Variants in G6PD observed in about 807,000 individuals in gnomAD.
The protein encoded by G6PD is glucose-6-phosphate dehydrogenase.
G6PD carries 2 observed loss-of-function variants against 38.2 expected under a neutral mutation model. That is an observed-to-expected ratio of 0.05 (90% confidence interval 0.02 to 0.16). The LOEUF is 0.16. Among genes scored for constraint, G6PD ranks in the 10% least tolerant of loss-of-function variants. The probability of loss-of-function intolerance (pLI) is 1.00; values close to 1 mark genes in which losing one functional copy is unlikely to be tolerated. For missense variants in G6PD, 310 were observed against 471.6 expected (o/e 0.66, Z 3.17); for synonymous variants, 188 against 196.0 (o/e 0.96, Z 0.34).
chrX:154,531,924 C>T lies in G6PD; in HGVS notation c.*76G>A, dbSNP rs907435124. Reference sequence around the variant, plus strand: ...AATGTGCAGCTGAGGTCAATGGTCCCGGAGTCCTCCCGACTCGGGGTCGGG... The same window carrying T: ...AATGTGCAGCTGAGGTCAATGGTCCTGGAGTCCTCCCGACTCGGGGTCGGG... On this transcript the variant is annotated 3_prime_UTR_variant, in exon 13 of 13. Transcript: ENST00000393562. 229 of 1,082,721 alleles carry T rather than the reference C, an allele frequency of 2.1e-4. No individual in the cohort carries two copies. Among genetic ancestry groups the T allele is most frequent in the East Asian group, 6.1e-4 (15 of 24,733 alleles). The allele number at this position is 1,082,721 out of a possible 1,213,427, so 89.2% of individuals were successfully genotyped here. A position where few individuals can be genotyped will look rare whatever the true frequency, so the allele number is the denominator to read the frequency against.
chrX:154,541,021 C>T (rs1052907492), intron 2 of G6PD, among the ~76,000 whole-genome samples: 1 of 111,714 alleles, frequency 9.0e-6, no homozygotes, highest in Non-Finnish European at 1.9e-5. Context: ...GGGAGGGGAA[C>T]GTTGCCCATG....
upstream of G6PD, chrX:154,547,088 A>C (rs1468424460): frequency 2.6e-5 from 4 of 155,309 alleles, no homozygotes; most frequent in South Asian, 3.0e-4. Flanking sequence ...TGCATCCCCA[A>C]TTCCGGCGGG....
At position 154,532,473 on chromosome X, in the gene G6PD, G is replaced by A. The variant is rs781869347; in HGVS notation, c.1288-11C>T. The A allele has an allele frequency of 2.5e-5, 30 of 1,207,892 alleles. No individual in the cohort carries two copies. In the East Asian group the frequency reaches 2.7e-4, roughly 11 times the overall value. On this transcript the variant is annotated splice_polypyrimidine_tract_variant and intron_variant, in intron 10 of 12. Coordinates refer to ENST00000393562, the MANE Select transcript of G6PD (RefSeq NM_001360016.2). ...AGGGAGCTTCACGTTCTGTGAGGGAGAGAGTGTCTTGCTGATGCCACTGCC... is the reference window on the plus strand; with the variant it reads ...AGGGAGCTTCACGTTCTGTGAGGGAAAGAGTGTCTTGCTGATGCCACTGCC...
Position 154,543,369 on chromosome X carries a change from G to A in G6PD, c.120+2667C>T, listed in dbSNP as rs2515910. On this transcript the variant is annotated intron_variant, in intron 2 of 12. Transcript: ENST00000393562. ...GAAATGACAAAATCAGCTTGGAAAA[G>A]CCTAAGGACCCTGGGCCCTCGTTTC... is the stretch of plus-strand genomic sequence containing the variant. Among the ~76,000 whole-genome samples the A allele has an allele frequency of 9.6e-4, 108 of 112,508 alleles. 2 individuals carry two copies. The South Asian group carries it at 0.019, about 20-fold the overall frequency.
intron 5 of G6PD, among the ~76,000 whole-genome samples, 195 bp from the exon 6 acceptor site, chrX:154,534,691 G>A (rs1175950667): frequency 9.0e-6 from 1 of 110,981 alleles, no homozygotes; most frequent in African/African-American, 3.3e-5. Flanking sequence ...CACCCTGGGT[G>A]CCAGGGTGGC....
intron 2 of G6PD, chrX:154,542,376 A>G (rs782253817): frequency 1.7e-6 from 2 of 1,207,304 alleles, no homozygotes; most frequent in South Asian, 3.6e-5. Flanking sequence ...AGCATCATCG[A>G]GGTCCCATCA....
chrX:154,535,455 C>T, intron 4 of G6PD, 70 bp from the exon 5 acceptor site: 2 of 1,005,588 alleles, frequency 2.0e-6, no homozygotes, highest in African/African-American at 3.8e-5. Flanking sequence ...GTGTGTTCTG[C>T]CCCAGGGGAG....
At chrX:154,532,898 G>A (rs782278448) in intron 9 of G6PD, 44 bp downstream of exon 9, 2 of 1,206,492 alleles carry the variant, frequency 1.7e-6, no homozygotes, top group African/African-American at 3.5e-5. Context: ...CGCACACAGG[G>A]CATGCCCAGT....
In G6PD at chrX:154,535,233, C is replaced by G; in HGVS notation, c.420G>C (p.Leu140=). The G allele has an allele frequency of 8.3e-7, 1 of 1,211,951 alleles. No individual in the cohort carries two copies. The highest frequency in any genetic ancestry group is 1.1e-6 in the Non-Finnish European group (1 of 895,546). Reference sequence around the variant, plus strand: ...CCTCGTAGACGGTCGGGGGCAAGGCCAGGTAGAAGAGGCGGTTGGCCTGTG... The same window carrying G: ...CCTCGTAGACGGTCGGGGGCAAGGCGAGGTAGAAGAGGCGGTTGGCCTGTG... ...LGSQANRLFY[L]ALPPTVYEAV... Residue 140 remains leucine (L), a synonymous_variant, in exon 5 of 13, where the codon CTG becomes CTC. Coordinates refer to ENST00000393562, the MANE Select transcript of G6PD (RefSeq NM_001360016.2).
rs2070707835 is a variant in G6PD, at chrX:154,546,178, G to A, written c.-8-15C>T. The stretch of plus-strand genomic sequence containing the variant: ...CATGACGCTGTCTGGTGGAAGAAAG[G>A]CTCGTTAACAAGGCAGAAGAACAGG... On this transcript the variant is annotated splice_polypyrimidine_tract_variant and intron_variant, in intron 1 of 12. Transcript: ENST00000393562. The A allele has an allele frequency of 1.7e-6, 2 of 1,209,447 alleles. No homozygotes were observed. The highest frequency in any genetic ancestry group is 3.0e-5 in the East Asian group (1 of 33,797).
At chrX:154,532,505 C>T in intron 10 of G6PD, 43 bp from the exon 11 acceptor site, 1 of 1,204,366 alleles carries the variant, frequency 8.3e-7, no homozygotes, top group Non-Finnish European at 1.1e-6. Context: ...TGCCTGCCAC[C>T]ATGTGGAGTC....
intron 8 of G6PD, 116 bp from the exon 9 acceptor site, chrX:154,533,244 G>A (rs2070363167): frequency 1.2e-6 from 1 of 862,213 alleles, no homozygotes. Flanking sequence ...GCTTGGCTCT[G>A]CTCACCCTGC....
At chrX:154,544,681 G>C (rs781993410) in intron 2 of G6PD, among the ~76,000 whole-genome samples, 1 of 112,152 alleles carries the variant, frequency 8.9e-6, no homozygotes, top group South Asian at 3.6e-4. Flanking sequence ...TACCTCTCCT[G>C]GGTCTCAGGC....
chrX:154,535,691 C>G, intron 4 of G6PD: 1 of 453,073 alleles, frequency 2.2e-6, no homozygotes. Context: ...GCTCTCTCTC[C>G]AAAATCATGA....
At chrX:154,546,642 G>A in intron 1 of G6PD, 147 bp downstream of exon 1, 1 of 502,785 alleles carries the variant, frequency 2.0e-6, no homozygotes, top group Admixed American at 4.1e-5. Flanking sequence ...CTCAAGAGAG[G>A]AGGTGCGGGG....
rs782224094 is a variant in G6PD at position 154,531,824 on chromosome X, G to A, written c.*176C>T. The A allele has an allele frequency of 2.5e-4, 200 of 809,399 alleles. 3 individuals carry two copies. The South Asian group carries it at 4.9e-3, about 20-fold the overall frequency. 66.7% of individuals were successfully genotyped at this position (809,399 alleles called of 1,213,427 possible). ...CCAGGATGGTCTCGAGTGCTTGGCA[G>A]CTGAGGAATGTAGCTGGGCTCGGGT... On this transcript the variant is annotated 3_prime_UTR_variant, in exon 13 of 13. Coordinates refer to ENST00000393562, the MANE Select transcript of G6PD (RefSeq NM_001360016.2).
chrX:154,542,463 C>T (rs930601658), intron 2 of G6PD: 13 of 1,168,598 alleles, frequency 1.1e-5, no homozygotes, highest in East Asian at 6.3e-5. Context: ...GTAAGTACCT[C>T]GGCTCCCTTT....
At chrX:154,545,791 C>T (rs1226751068) in intron 2 of G6PD, 10 of 340,680 alleles carry the variant, frequency 2.9e-5, no homozygotes, top group African/African-American at 8.5e-5. Flanking sequence ...GCCAAGATGG[C>T]GCCACTGCAC....
intron 2 of G6PD, among the ~76,000 whole-genome samples, chrX:154,545,409 A>G (rs1437132883): frequency 8.9e-6 from 1 of 112,129 alleles, no homozygotes; most frequent in Non-Finnish European, 1.9e-5. Context: ...TTGTTAAGGC[A>G]TGAACAGGTC....
Sources: gnomAD v4.1 joint callset for allele counts (sites outside exome capture counted in the v4.1 genomes callset) on GRCh38, gnomAD v4.1.1 for gene constraint, MANE v1.5 for transcripts, NCBI Gene and HGNC (gene_info 2026-07-23, HGNC 2026-07-21) for gene names.